The following GPATCH11 variants were observed in gnomAD, a reference collection of about 807,000 sequenced individuals.
The protein encoded by GPATCH11 is G patch domain-containing protein 11.
GPATCH11 carries 32 observed loss-of-function variants against 44.8 expected under a neutral mutation model. The ratio of observed to expected loss-of-function variants is 0.71; its 90% CI spans 0.54 to 0.96. The LOEUF is 0.96. Among genes scored for constraint, GPATCH11 ranks in the 40% least tolerant of loss-of-function variants. The pLI, the probability that GPATCH11 is intolerant of heterozygous loss-of-function variation, is 0.00. For synonymous variants in GPATCH11, 84 were observed against 94.4 expected (o/e 0.89, Z 0.64); for missense variants, 324 against 303.1 (o/e 1.07, Z -0.51).
At chr2:37,089,365 A>G (rs1673194893) in intron 2 of GPATCH11, among the ~76,000 whole-genome samples, 1 of 152,244 alleles carries the variant, frequency 6.6e-6, no homozygotes, top group African/African-American at 2.4e-5. Context: ...TCAGGAGTTC[A>G]AGACCAGCCT....
chr2:37,097,391 C>T lies in GPATCH11; in HGVS notation c.*1128C>T, dbSNP rs1673642533. 6.6e-6 allele frequency: 1 copy of T among 152,204 alleles called. No individual in the cohort carries two copies. The highest frequency in any genetic ancestry group is 6.5e-5 in the Admixed American group (1 of 15,282). The allele number at this position is 152,204 out of a possible 1,614,324, so 9.4% of individuals were successfully genotyped here. ...TCCATCCAGGGTGAGGCATCAAAAT[C>T]ATGAACCTTTTTAAAAGTTCATATG... is the stretch of plus-strand genomic sequence containing the variant. On this transcript the variant is annotated 3_prime_UTR_variant, in exon 9 of 9. Coordinates refer to ENST00000674370, the MANE Select transcript of GPATCH11 (RefSeq NM_174931.4).
rs202089524 is a variant in GPATCH11 at position 37,094,165 on chromosome 2, T to A, written c.624T>A (p.Asp208Glu). The A allele has an allele frequency of 2.7e-4, 422 of 1,566,472 alleles. 1 individual carries two copies. Among genetic ancestry groups the A allele is most frequent in the Middle Eastern group, 5.0e-4 (3 of 6,024 alleles). ...TEEDEEEKEQ[D>E]EDEYKSEDLS... ...AAGATGAAGAAGAAAAAGAACAGGA[T>A]GAAGATGAATATAAGAGTGAAGATT... The change falls in exon 7 of 9, where the codon GAT (aspartate) becomes GAA (glutamate). Residue 208 changes from aspartate (D) to glutamate (E), a missense_variant. Physicochemically the swap from Asp to Glu is conservative, Grantham distance 45 (BLOSUM62 2). Coordinates refer to ENST00000674370, the MANE Select transcript of GPATCH11 (RefSeq NM_174931.4).
At chr2:37,084,608 G>A in intron 1 of GPATCH11, 38 bp downstream of exon 1, 10 of 1,229,454 alleles carry the variant, frequency 8.1e-6, no homozygotes, top group Non-Finnish European at 1.0e-5. Context: ...GGGACAACCG[G>A]TAGAATGATA....
At chr2:37,090,864 T>A in intron 4 of GPATCH11, 142 bp downstream of exon 4, 1 of 548,988 alleles carries the variant, frequency 1.8e-6, no homozygotes. Flanking sequence ...TCTAAACCTC[T>A]TCAACCAGAA....
chr2:37,094,764 G>A (rs1040440882), intron 7 of GPATCH11, among the ~76,000 whole-genome samples: 2 of 152,106 alleles, frequency 1.3e-5, no homozygotes, highest in Non-Finnish European at 2.9e-5. Context: ...CAACATGGTA[G>A]TGTATTTTAG....
chr2:37,092,047 T>G lies in GPATCH11; in HGVS notation c.449+11T>G. 1 of 1,612,126 alleles carries G rather than the reference T, an allele frequency of 6.2e-7. No individual in the cohort carries two copies. Among genetic ancestry groups the G allele is most frequent in the Non-Finnish European group, 8.5e-7 (1 of 1,178,772 alleles). Reference sequence around the variant, plus strand: ...TGCAGAACAGTTTCGGTAAAACTATTTTTGAGCTGGTTTTGGTTCTATTTC... The same window carrying G: ...TGCAGAACAGTTTCGGTAAAACTATGTTTGAGCTGGTTTTGGTTCTATTTC... On this transcript the variant is annotated intron_variant, in intron 5 of 8. Transcript: ENST00000674370.
chr2:37,093,205 C>A (rs560307015), intron 6 of GPATCH11, among the ~76,000 whole-genome samples: 1 of 152,152 alleles, frequency 6.6e-6, no homozygotes, highest in South Asian at 2.1e-4. Context: ...TTAAAAAATT[C>A]TGTCTCTGGC....
intron 4 of GPATCH11, among the ~76,000 whole-genome samples, chr2:37,091,525 A>G (rs1673319721): frequency 1.3e-5 from 2 of 152,166 alleles, no homozygotes; most frequent in African/African-American, 4.8e-5. Flanking sequence ...GTGCCACTAC[A>G]TACCAGCCTG....
chr2:37,088,421 G>C lies in GPATCH11; in HGVS notation c.40G>C (p.Asp14His). 6.4e-7 allele frequency: 1 copy of C among 1,566,890 alleles called. No individual in the cohort carries two copies. Among genetic ancestry groups the C allele is most frequent in the East Asian group, 2.2e-5 (1 of 44,502 alleles). Residue 14 changes from aspartate to histidine, a missense_variant, in exon 2 of 9, where the codon GAT becomes CAT. Coordinates refer to ENST00000674370, the MANE Select transcript of GPATCH11 (RefSeq NM_174931.4). The stretch of plus-strand genomic sequence containing the variant: ...GGCAGAAGAAGAGGACTATATGTCT[G>C]ATTCCTTCATTAATGTCCAGTAAGT... ...NMAEEEDYMSDSFINVQEDIR... is the reference protein window; with the variant it reads ...NMAEEEDYMSHSFINVQEDIR...
At chr2:37,091,355 T>A (rs1673310226) in intron 4 of GPATCH11, among the ~76,000 whole-genome samples, 1 of 149,574 alleles carries the variant, frequency 6.7e-6, no homozygotes, top group South Asian at 2.1e-4. Context: ...AGCCAGGAAT[T>A]TGAGACCAGC....
chr2:37,095,420 G>A lies in GPATCH11; in HGVS notation c.655-17G>A, dbSNP rs370830221. ...CTGTTCAATGTAAAGTATTAATAAT[G>A]TGCTTGTATCCTATAGGTACTGGAA... is the stretch of plus-strand genomic sequence containing the variant. On this transcript the variant is annotated splice_polypyrimidine_tract_variant and intron_variant, in intron 7 of 8. Coordinates refer to ENST00000674370, the MANE Select transcript of GPATCH11 (RefSeq NM_174931.4). The A allele has an allele frequency of 3.1e-6, 5 of 1,593,668 alleles. No individual in the cohort carries two copies. The highest frequency in any genetic ancestry group is 1.8e-5 in the Admixed American group (1 of 55,000).
At chr2:37,085,048 A>G (rs1407905276) in intron 1 of GPATCH11, among the ~76,000 whole-genome samples, 1 of 152,190 alleles carries the variant, frequency 6.6e-6, no homozygotes, top group Non-Finnish European at 1.5e-5. Flanking sequence ...TTGCATTGCT[A>G]TCACTCTGGT....
chr2:37,094,819 T>A (rs1419016362), intron 7 of GPATCH11, among the ~76,000 whole-genome samples: 2 of 151,720 alleles, frequency 1.3e-5, no homozygotes, highest in Non-Finnish European at 2.9e-5. Context: ...GGGCACCCAA[T>A]AATCCTAGCT....
At position 37,090,700 on chromosome 2, in the gene GPATCH11, A is replaced by G; in HGVS notation, c.306A>G (p.Pro102=). ...TTTAAGGGGGTGGTATTGTTGAACC[A>G]ATTCCTCTCAATATCAAAACAGGTA... ...LGKSGGGIVE[P]IPLNIKTGKS... The change falls in exon 4 of 9, where the codon CCA becomes CCG. Residue 102 remains proline, a synonymous_variant. Transcript: ENST00000674370. 4 of 1,468,880 alleles carry G rather than the reference A, an allele frequency of 2.7e-6. No individual in the cohort carries two copies. Among genetic ancestry groups the G allele is most frequent in the Non-Finnish European group, 9.3e-7 (1 of 1,079,062 alleles). 91.0% of individuals were successfully genotyped at this position (1,468,880 alleles called of 1,614,324 possible).
At chr2:37,090,577 G>T in intron 3 of GPATCH11, 104 bp from the exon 4 acceptor site, 1 of 621,446 alleles carries the variant, frequency 1.6e-6, no homozygotes. Context: ...GAATATCATT[G>T]AAACAGGAGG....
chr2:37,093,478 T>A (rs1673429474), intron 6 of GPATCH11, among the ~76,000 whole-genome samples: 1 of 152,198 alleles, frequency 6.6e-6, no homozygotes, highest in Non-Finnish European at 1.5e-5. Flanking sequence ...ATCTCTCACT[T>A]TCCTGTTCTT....
At position 37,098,529 on chromosome 2, in the gene GPATCH11, A is replaced by C. The variant is rs1673710432; in HGVS notation, c.*2266A>C. On this transcript the variant is annotated 3_prime_UTR_variant, in exon 9 of 9. Coordinates refer to ENST00000674370, the MANE Select transcript of GPATCH11 (RefSeq NM_174931.4). ...TTCAGATGGAATGGAGTTAGACAGG[A>C]ACTGGCTTCCCTTTCTCCTGTTACT... The C allele has an allele frequency of 6.6e-6, 1 of 152,124 alleles. No individual in the cohort carries two copies. The highest frequency in any genetic ancestry group is 1.5e-5 in the Non-Finnish European group (1 of 68,028). 9.4% of individuals were successfully genotyped at this position (152,124 alleles called of 1,614,324 possible).
intron 8 of GPATCH11, 125 bp downstream of exon 8, chr2:37,095,643 T>A: frequency 9.8e-7 from 1 of 1,024,766 alleles, no homozygotes; most frequent in Non-Finnish European, 1.3e-6. Flanking sequence ...ACCAATTTCT[T>A]AAATAGTGGA....
Position 37,096,232 on chromosome 2 carries a change from G to T in GPATCH11, c.761G>T (p.Cys254Phe), listed in dbSNP as rs375345773. 1.3e-6 allele frequency: 2 copies of T among 1,588,774 alleles called. No individual in the cohort carries two copies. The highest frequency in any genetic ancestry group is 1.7e-6 in the Non-Finnish European group (2 of 1,166,420). ...YEDKEDLSSN[C>F]PGPTSADHD ...GATAAAGAAGACCTATCTTCAAATT[G>T]TCCAGGACCAACTTCTGCAGATCAT... Residue 254 changes from cysteine (C) to phenylalanine (F), a missense_variant, in exon 9 of 9, where the codon TGT (cysteine) becomes TTT (phenylalanine). By Grantham distance (205) the Cys-to-Phe change is radical. Coordinates refer to ENST00000674370, the MANE Select transcript of GPATCH11 (RefSeq NM_174931.4).
Sources: allele counts gnomAD v4.1 joint callset (sites outside exome capture counted in the v4.1 genomes callset), GRCh38; gene constraint gnomAD v4.1.1; transcripts MANE v1.5; gene names NCBI Gene and HGNC (gene_info 2026-07-23, HGNC 2026-07-21).